TRMT11: variants seen among roughly 807,000 people sequenced by gnomAD.
The protein encoded by TRMT11 is tRNA (guanine(10)-N(2))-methyltransferase TRMT11.
TRMT11 carries 53 observed loss-of-function variants against 62.8 expected under a neutral mutation model. The observed-to-expected ratio is 0.84, with a 90% CI of 0.68 to 1.06. The LOEUF (loss-of-function observed/expected upper bound fraction) is 1.06. Among genes scored for constraint, TRMT11 ranks in the 50% least tolerant of loss-of-function variants. The pLI is 0.00. For missense variants in TRMT11, 556 were observed against 553.4 expected, an observed-to-expected ratio of 1.00 and a Z score of -0.05; for synonymous variants, 188 against 190.3, an observed-to-expected ratio of 0.99 and a Z score of 0.10.
At chr6:126,057,623 C>T (rs2128121006) in intron 17 of TRMT11, among the ~76,000 whole-genome samples, 1 of 152,268 alleles carries the variant, frequency 6.6e-6, no homozygotes, top group Middle Eastern at 3.4e-3. Flanking sequence ...TCACTGAGAC[C>T]AGAAGCTTTG....
intron 12 of TRMT11, 24 bp from the exon 13 acceptor site, chr6:126,038,681 A>G (rs374899836): frequency 6.5e-7 from 1 of 1,538,534 alleles, no homozygotes; most frequent in South Asian, 1.3e-5. Context: ...TAATTTTTAC[A>G]TTTTGTATTT....
intron 21 of TRMT11, among the ~76,000 whole-genome samples, chr6:126,151,888 GTCTTTTTCTTTCTTTTCTC>G (rs1562334880): frequency 4.5e-5 from 1 of 22,276 alleles, no homozygotes; most frequent in African/African-American, 2.9e-4. Flanking sequence ...TTCCTTCCTT[GTCTTTTTCTTTCTTTTCTC>G]TTTCTTTCTT....
intron 21 of TRMT11, among the ~76,000 whole-genome samples, chr6:126,132,173 G>A (rs2128207179): frequency 6.6e-6 from 1 of 152,146 alleles, no homozygotes; most frequent in Non-Finnish European, 1.5e-5. Context: ...AAACATGTTA[G>A]AATTAAACCT....
chr6:126,231,112 T>A, the TRMT11 span, among the ~76,000 whole-genome samples: 1 of 152,220 alleles, frequency 6.6e-6, no homozygotes, highest in Non-Finnish European at 1.5e-5. Context: ...GGTGTTTTGC[T>A]TGTGCTTGAG....
At chr6:126,075,879 G>A (rs1431123308) in intron 17 of TRMT11, among the ~76,000 whole-genome samples, 2 of 152,164 alleles carry the variant, frequency 1.3e-5, no homozygotes, top group African/African-American at 2.4e-5. Context: ...AAGGCACATG[G>A]CCTTTTAACT....
intron 17 of TRMT11, among the ~76,000 whole-genome samples, chr6:126,072,836 A>G (rs929972308): frequency 5.3e-5 from 8 of 152,098 alleles, no homozygotes; most frequent in Admixed American, 1.3e-4. Flanking sequence ...AATTCCATTC[A>G]TGAATGTTCC....
At chr6:126,048,348 T>C (rs1263472609) in intron 16 of TRMT11, among the ~76,000 whole-genome samples, 1 of 152,210 alleles carries the variant, frequency 6.6e-6, no homozygotes, top group Non-Finnish European at 1.5e-5. Flanking sequence ...ACCAATACCC[T>C]CCTTGAGGAG....
chr6:126,200,692 C>A (rs528269951), intron 3 of TRMT11, among the ~76,000 whole-genome samples: 29 of 152,176 alleles, frequency 1.9e-4, no homozygotes, highest in African/African-American at 7.0e-4. Context: ...GTAGCTGGGA[C>A]TACAGGCGCC....
chr6:126,145,248 G>C (rs1777960844), intron 21 of TRMT11, among the ~76,000 whole-genome samples: 1 of 152,246 alleles, frequency 6.6e-6, no homozygotes, highest in South Asian at 2.1e-4. Flanking sequence ...GTGTGAATGA[G>C]CATTTTGGAA....
chr6:126,115,030 C>T (rs1045660929), intron 19 of TRMT11, among the ~76,000 whole-genome samples: 1 of 151,998 alleles, frequency 6.6e-6, no homozygotes, highest in Admixed American at 6.6e-5. Context: ...GCATTCTCAC[C>T]GCCAATCATT....
At chr6:126,163,086 CAA>C (rs1425266070) in intron 21 of TRMT11, among the ~76,000 whole-genome samples, 17 of 152,248 alleles carry the variant, frequency 1.1e-4, no homozygotes, top group African/African-American at 3.6e-4. Flanking sequence ...CCAGAACTTC[CAA>C]TACTAGGTTG....
Position 126,115,111 on chromosome 6 carries a change from GCCT to G in TRMT11, c.*1562-233_*1562-231del, listed in dbSNP as rs1285873078. 1.1e-4 allele frequency among the ~76,000 whole-genome samples: 17 copies of G among 152,110 alleles called. 1 individual carries two copies. In the East Asian group the frequency reaches 3.3e-3, roughly 29 times the overall value. On this transcript the variant is annotated intron_variant and NMD_transcript_variant, in intron 19 of 22. Coordinates refer to the TRMT11 transcript ENST00000648977. The stretch of plus-strand genomic sequence containing the variant: ...TTCACTAAGGGACTGTACTAACATA[GCCT>G]AAATACCCACCTTCCAGCCACCCTT...
intron 21 of TRMT11, among the ~76,000 whole-genome samples, chr6:126,149,834 G>T (rs1233660173): frequency 6.6e-6 from 1 of 152,178 alleles, no homozygotes; most frequent in Non-Finnish European, 1.5e-5. Flanking sequence ...CACCTGAGCA[G>T]CCAGCAGTGA....
chr6:126,220,372 T>C, the TRMT11 span, among the ~76,000 whole-genome samples: 1 of 152,210 alleles, frequency 6.6e-6, no homozygotes, highest in Admixed American at 6.5e-5. Context: ...GAGCTTGAAT[T>C]TGGAAGGTTT....
rs137966848 is a variant in TRMT11 at position 126,026,674 on chromosome 6, C to T, written c.1260+5394C>T. On this transcript the variant is annotated intron_variant, in intron 12 of 12. Coordinates refer to ENST00000334379, the MANE Select transcript of TRMT11 (RefSeq NM_001031712.3). Reference sequence around the variant, plus strand: ...TGCTGGGATTATAGGCGCGAGCCATCGCGCCCGGCTCTAAAAGGTAAATAT... The same window carrying T: ...TGCTGGGATTATAGGCGCGAGCCATTGCGCCCGGCTCTAAAAGGTAAATAT... Among the ~76,000 whole-genome samples the T allele has an allele frequency of 6.0e-4, 91 of 152,028 alleles. 1 individual carries two copies. In the East Asian group the frequency reaches 0.015, roughly 26 times the overall value.
intron 21 of TRMT11, among the ~76,000 whole-genome samples, chr6:126,137,722 G>A (rs1460844506): frequency 1.3e-5 from 2 of 151,882 alleles, no homozygotes; most frequent in East Asian, 3.9e-4. Context: ...CAACCTAAGT[G>A]TCCATCTACA....
At chr6:126,093,614 TATATA>T (rs1245016014) in intron 17 of TRMT11, among the ~76,000 whole-genome samples, 29 of 93,280 alleles carry the variant, frequency 3.1e-4, no homozygotes, top group African/African-American at 1.9e-3. Flanking sequence ...TATATATATA[TATATA>T]TATATATATA....
the TRMT11 span, among the ~76,000 whole-genome samples, chr6:126,234,200 C>T: frequency 6.6e-6 from 1 of 152,086 alleles, no homozygotes. Context: ...GTTAGAGACA[C>T]TCCTTTGGGT....
intron 16 of TRMT11, among the ~76,000 whole-genome samples, chr6:126,044,747 C>T (rs1454011547): frequency 6.6e-6 from 1 of 152,160 alleles, no homozygotes; most frequent in East Asian, 1.9e-4. Context: ...TAAAGGCATG[C>T]TTACTGCCCA....
Sources: gnomAD v4.1 joint callset for allele counts (sites outside exome capture counted in the v4.1 genomes callset) on GRCh38, gnomAD v4.1.1 for gene constraint, MANE v1.5 for transcripts, NCBI Gene and HGNC (gene_info 2026-07-23, HGNC 2026-07-21) for gene names.